UNC5C: variants seen among roughly 807,000 people sequenced by gnomAD.
UNC5C encodes unc-5 netrin receptor C, also known as netrin receptor UNC5C.
Under a neutral mutation model 99.8 loss-of-function variants are expected in UNC5C, and 47 were observed. That is an observed-to-expected ratio of 0.47 (90% CI 0.37 to 0.60). The LOEUF is 0.60. Among genes scored for constraint, UNC5C ranks in the 20% least tolerant of loss-of-function variants. The pLI is 0.00. For synonymous variants in UNC5C, 487 were observed against 452.2 expected (o/e 1.08, Z -0.98); for missense variants, 1,062 against 1,165.9 (o/e 0.91, Z 1.30).
chr4:95,349,797 C>G (rs1743920610), intron 1 of UNC5C, among the ~76,000 whole-genome samples: 1 of 151,926 alleles, frequency 6.6e-6, no homozygotes, highest in Non-Finnish European at 1.5e-5. Flanking sequence ...CTGCCTTTAT[C>G]TCATTTTTCT....
At chr4:95,511,993 G>C (rs994591991) in intron 1 of UNC5C, among the ~76,000 whole-genome samples, 1 of 152,002 alleles carries the variant, frequency 6.6e-6, no homozygotes, top group Non-Finnish European at 1.5e-5. Flanking sequence ...TGTTAGATGC[G>C]AAGGAAGTAG....
chr4:95,515,499 C>T (rs1045661841), intron 1 of UNC5C, among the ~76,000 whole-genome samples: 27 of 152,268 alleles, frequency 1.8e-4, no homozygotes, highest in Middle Eastern at 3.4e-3. Flanking sequence ...TTCTGCTTAA[C>T]GTATTAGGTT....
At chr4:95,516,147 T>G (rs897294350) in intron 1 of UNC5C, among the ~76,000 whole-genome samples, 53 of 152,182 alleles carry the variant, frequency 3.5e-4, no homozygotes, top group African/African-American at 1.2e-3. Context: ...TTACCTATGT[T>G]TTCAGATTGA....
At chr4:95,488,497 C>CT (rs1721388639) in intron 1 of UNC5C, among the ~76,000 whole-genome samples, 1 of 151,756 alleles carries the variant, frequency 6.6e-6, no homozygotes, top group Admixed American at 6.6e-5. Context: ...AGAACTGGTT[C>CT]TTTAACAGGC....
At chr4:95,373,002 T>C (rs188663114) in intron 1 of UNC5C, among the ~76,000 whole-genome samples, 15 of 152,234 alleles carry the variant, frequency 9.9e-5, no homozygotes, top group African/African-American at 1.9e-4. Context: ...GAAGCTAGGA[T>C]TAAGTTCTGA....
chr4:95,525,842 G>A (rs537337786), intron 1 of UNC5C, among the ~76,000 whole-genome samples: 19 of 152,186 alleles, frequency 1.2e-4, no homozygotes, highest in Non-Finnish European at 1.8e-4. Flanking sequence ...TATCAACTCT[G>A]GCAAAATAGA....
At chr4:95,435,395 G>A (rs1746746853) in intron 1 of UNC5C, among the ~76,000 whole-genome samples, 2 of 151,992 alleles carry the variant, frequency 1.3e-5, no homozygotes, top group South Asian at 4.1e-4. Flanking sequence ...TAGAAAGTTA[G>A]AGTGCCTGTC....
intron 14 of UNC5C, among the ~76,000 whole-genome samples, chr4:95,175,807 GA>G (rs1214264156): frequency 8.5e-5 from 13 of 152,074 alleles, no homozygotes; most frequent in Non-Finnish European, 1.9e-4. Context: ...CTAGACTGGG[GA>G]AGTTCTCCTG....
chr4:95,421,487 A>AT (rs146968393), intron 1 of UNC5C, among the ~76,000 whole-genome samples: 75 of 148,574 alleles, frequency 5.0e-4, no homozygotes, highest in South Asian at 8.5e-4. Context: ...ACTATGGTAG[A>AT]TTTTTTTTTT....
At chr4:95,250,304 G>A (rs1739649338) in intron 5 of UNC5C, among the ~76,000 whole-genome samples, 183 bp downstream of exon 5, 1 of 152,084 alleles carries the variant, frequency 6.6e-6, no homozygotes, top group African/African-American at 2.4e-5. Context: ...AGTATCCCTT[G>A]AGCCTAGGAG....
At chr4:95,278,385 T>C in intron 3 of UNC5C, 23 bp from the exon 4 acceptor site, 1 of 1,581,986 alleles carries the variant, frequency 6.3e-7, no homozygotes, top group Non-Finnish European at 8.7e-7. Flanking sequence ...AGTGACAAAA[T>C]ACATGTCAAA....
chr4:95,531,573 T>C (rs1006065464), intron 1 of UNC5C, among the ~76,000 whole-genome samples: 1 of 152,264 alleles, frequency 6.6e-6, no homozygotes, highest in African/African-American at 2.4e-5. Context: ...TAACACCTTA[T>C]AATGATACAT....
At chr4:95,421,246 T>C (rs1746310080) in intron 1 of UNC5C, among the ~76,000 whole-genome samples, 1 of 152,158 alleles carries the variant, frequency 6.6e-6, no homozygotes, top group African/African-American at 2.4e-5. Context: ...TTCTTTACTA[T>C]AGAATAGCTG....
chr4:95,182,978 T>C lies in UNC5C; in HGVS notation c.2370A>G (p.Thr790=), dbSNP rs536122487. Residue 790 remains threonine (T), a synonymous_variant, in exon 14 of 16, where the codon ACA becomes ACG. Transcript: ENST00000453304. ...CACAGAGTTTGCAAACCAGCTCCAC[T>C]GTGTTCAGGCTAAATCTTTCCAGAG... ...TFTLERFSLN[T]VELVCKLCVR... The C allele has an allele frequency of 3.7e-6, 6 of 1,613,938 alleles. No homozygotes were observed. In the Admixed American group the frequency reaches 8.3e-5, roughly 22 times the overall value.
chr4:95,414,258 C>A (rs2149453210), intron 1 of UNC5C, among the ~76,000 whole-genome samples: 1 of 150,970 alleles, frequency 6.6e-6, no homozygotes. Flanking sequence ...AGAAAGTTAC[C>A]AAAAAAGAGC....
chr4:95,380,695 A>G (rs1400537096), intron 1 of UNC5C, among the ~76,000 whole-genome samples: 3 of 152,186 alleles, frequency 2.0e-5, no homozygotes, highest in African/African-American at 7.2e-5. Flanking sequence ...CATTTTTCTT[A>G]CCTTTCTGTG....
chr4:95,166,814 A>T lies in UNC5C; in HGVS notation c.*2420T>A, dbSNP rs1255182894. ...TCCTCCTTTTAAAAAATGTGTGTGTATAACTGCGTGTATATATATTTGATT... is the reference window on the plus strand; with the variant it reads ...TCCTCCTTTTAAAAAATGTGTGTGTTTAACTGCGTGTATATATATTTGATT... On this transcript the variant is annotated 3_prime_UTR_variant, in exon 16 of 16. Coordinates refer to ENST00000453304, the MANE Select transcript of UNC5C (RefSeq NM_003728.4). The T allele has an allele frequency of 6.6e-6, 1 of 152,184 alleles. No homozygotes were observed. The highest frequency in any genetic ancestry group is 1.5e-5 in the Non-Finnish European group (1 of 68,036). 9.4% of individuals were successfully genotyped at this position (152,184 alleles called of 1,614,324 possible). A position where few individuals can be genotyped will look rare whatever the true frequency, so the allele number is the denominator to read the frequency against.
chr4:95,211,853 A>G (rs1738085417), intron 10 of UNC5C, among the ~76,000 whole-genome samples: 1 of 152,178 alleles, frequency 6.6e-6, no homozygotes, highest in African/African-American at 2.4e-5. Context: ...TAGGATTTCA[A>G]TAAATGAACA....
intron 2 of UNC5C, among the ~76,000 whole-genome samples, chr4:95,306,212 TA>T (rs1231135296): frequency 2.0e-5 from 3 of 152,128 alleles, no homozygotes; most frequent in African/African-American, 4.8e-5. Context: ...TTTATTTATT[TA>T]TTTTTTTGAG....
Sources: gnomAD v4.1 joint callset for allele counts (sites outside exome capture counted in the v4.1 genomes callset) on GRCh38, gnomAD v4.1.1 for gene constraint, MANE v1.5 for transcripts, NCBI Gene and HGNC (gene_info 2026-07-23, HGNC 2026-07-21) for gene names.